Variants in SORCS2 observed in about 807,000 individuals in gnomAD.
SORCS2 encodes VPS10 domain-containing receptor SorCS2.
In SORCS2, 100 loss-of-function variants were observed where a neutral mutation model predicts 141.6. That is an observed-to-expected ratio of 0.71 (90% CI 0.60 to 0.83). SORCS2 has a LOEUF of 0.83. SORCS2 is among the 40% of genes least tolerant of loss of function. The pLI, the probability that SORCS2 is intolerant of heterozygous loss-of-function variation, is 0.00. For missense variants in SORCS2, 1,646 were observed against 1,560.2 expected (o/e 1.05, Z -0.93); for synonymous variants, 789 against 676.9 (o/e 1.17, Z -2.57).
chr4:7,680,106 T>G (rs1723424271), intron 9 of SORCS2, among the ~76,000 whole-genome samples: 1 of 152,204 alleles, frequency 6.6e-6, no homozygotes. Flanking sequence ...TATGAGCTTG[T>G]AAGACACAAA....
At chr4:7,658,534 A>G (rs1364278907) in intron 5 of SORCS2, among the ~76,000 whole-genome samples, 2 of 152,184 alleles carry the variant, frequency 1.3e-5, no homozygotes, top group Non-Finnish European at 2.9e-5. Context: ...TCTATTCACA[A>G]AAGCCGAAAT....
At chr4:7,492,710 AC>A (rs1731389895) in intron 2 of SORCS2, among the ~76,000 whole-genome samples, 1 of 152,240 alleles carries the variant, frequency 6.6e-6, no homozygotes, top group Non-Finnish European at 1.5e-5. Context: ...TGACAAGCAT[AC>A]CTGAAGGAAA....
chr4:7,697,608 C>T (rs1454631858), intron 12 of SORCS2, among the ~76,000 whole-genome samples: 2 of 152,222 alleles, frequency 1.3e-5, no homozygotes, highest in Non-Finnish European at 2.9e-5. Context: ...TGCCAGGGAA[C>T]AGCACAGGGA....
chr4:7,395,474 T>A (rs1724150710), intron 1 of SORCS2, among the ~76,000 whole-genome samples: 1 of 152,216 alleles, frequency 6.6e-6, no homozygotes, highest in African/African-American at 2.4e-5. Flanking sequence ...ACGCAGTGGC[T>A]GGTGCAGTAA....
At chr4:7,365,730 A>G (rs536836171) in intron 1 of SORCS2, among the ~76,000 whole-genome samples, 1 of 152,236 alleles carries the variant, frequency 6.6e-6, no homozygotes, top group South Asian at 2.1e-4. Context: ...GCACACCTGC[A>G]ATTTATGGTC....
chr4:7,360,271 TAAAG>T (rs940736051), intron 1 of SORCS2, among the ~76,000 whole-genome samples: 9 of 152,162 alleles, frequency 5.9e-5, no homozygotes, highest in African/African-American at 1.9e-4. Flanking sequence ...ATTTTGCAGA[TAAAG>T]AAACTGAGAC....
chr4:7,261,164 T>G (rs1191935711), intron 1 of SORCS2, among the ~76,000 whole-genome samples: 5 of 152,180 alleles, frequency 3.3e-5, no homozygotes, highest in Admixed American at 6.5e-5. Flanking sequence ...CCTTATGACC[T>G]TGTATAATTG....
chr4:7,548,782 C>A (rs1431341796), intron 3 of SORCS2, among the ~76,000 whole-genome samples: 1 of 152,162 alleles, frequency 6.6e-6, no homozygotes, highest in East Asian at 1.9e-4. Flanking sequence ...CCATCAGATG[C>A]CTTTCAGCTG....
chr4:7,686,188 G>T (rs1008830240), intron 10 of SORCS2, among the ~76,000 whole-genome samples: 5 of 152,192 alleles, frequency 3.3e-5, no homozygotes, highest in Admixed American at 6.5e-5. Context: ...GCTTTAACAG[G>T]AGTGGTGTGA....
chr4:7,539,464 T>C (rs983268061), intron 3 of SORCS2, among the ~76,000 whole-genome samples: 2 of 152,188 alleles, frequency 1.3e-5, no homozygotes, highest in African/African-American at 4.8e-5. Context: ...AGAAGTCCAG[T>C]ACTTTGTTCT....
rs144046004 is a variant in SORCS2 at position 7,655,202 on chromosome 4, T to TACACAC, written c.887+1015_887+1020dup. 4.6e-3 allele frequency among the ~76,000 whole-genome samples: 684 copies of TACACAC among 148,980 alleles called. 7 individuals carry two copies. Among genetic ancestry groups the TACACAC allele is most frequent in the African/African-American group, 0.016 (641 of 40,536 alleles). ...ATGGCATTCCTCTTTCTTGTGCGTG[T>TACACAC]ACACACACACACACACACACACACA... On this transcript the variant is annotated intron_variant, in intron 5 of 26. Coordinates refer to ENST00000507866, the MANE Select transcript of SORCS2 (RefSeq NM_020777.3).
At chr4:7,474,776 G>A (rs1286671492) in intron 2 of SORCS2, among the ~76,000 whole-genome samples, 1 of 152,204 alleles carries the variant, frequency 6.6e-6, no homozygotes, top group Non-Finnish European at 1.5e-5. Flanking sequence ...CTGCCAGCTG[G>A]GAGCTTAAAG....
At chr4:7,698,517 A>G (rs6816580) in intron 12 of SORCS2, among the ~76,000 whole-genome samples, 80,086 of 152,230 alleles carry the variant, frequency 0.53, 21,931 homozygotes, top group East Asian at 0.75. Flanking sequence ...TAAAGGTCAC[A>G]TCTGTCCATT....
chr4:7,624,681 C>T (rs969160277), intron 3 of SORCS2, among the ~76,000 whole-genome samples: 2 of 152,230 alleles, frequency 1.3e-5, no homozygotes, highest in Admixed American at 6.5e-5. Context: ...ATTGTTCACA[C>T]GTCCAACCGT....
At chr4:7,633,330 G>T (rs992164996) in intron 3 of SORCS2, among the ~76,000 whole-genome samples, 1 of 152,142 alleles carries the variant, frequency 6.6e-6, no homozygotes, top group African/African-American at 2.4e-5. Flanking sequence ...GGCGGAGCAG[G>T]GACCCCCACC....
chr4:7,596,019 G>A lies in SORCS2; in HGVS notation c.649-42309G>A, dbSNP rs555949885. On this transcript the variant is annotated intron_variant, in intron 3 of 26. Coordinates refer to ENST00000507866, the MANE Select transcript of SORCS2 (RefSeq NM_020777.3). ...CCACGGCAACCCGCGGTTTCTCATT[G>A]AGACTGCATCCTCACAAACCATGGT... Among the ~76,000 whole-genome samples, 498 of 152,246 alleles carry A rather than the reference G, an allele frequency of 3.3e-3. 3 individuals carry two copies. The highest frequency in any genetic ancestry group is 0.012 in the African/African-American group (479 of 41,554).
chr4:7,725,451 G>A (rs1339024615), intron 20 of SORCS2, among the ~76,000 whole-genome samples, 164 bp downstream of exon 20: 3 of 152,302 alleles, frequency 2.0e-5, no homozygotes, highest in East Asian at 1.9e-4. Context: ...CACACCCTCC[G>A]TGGGTGCCTT....
intron 2 of SORCS2, among the ~76,000 whole-genome samples, chr4:7,487,726 G>A (rs548192510): frequency 5.3e-5 from 8 of 152,174 alleles, no homozygotes; most frequent in South Asian, 4.1e-4. Context: ...TGGCTCCCCC[G>A]CCTCCAGCCC....
chr4:7,548,224 TC>T (rs1236391962), intron 3 of SORCS2, among the ~76,000 whole-genome samples: 1 of 152,158 alleles, frequency 6.6e-6, no homozygotes, highest in African/African-American at 2.4e-5. Context: ...AGAGGAATGC[TC>T]CCGCGACCAT....
Sources: gnomAD v4.1 joint callset for allele counts (sites outside exome capture counted in the v4.1 genomes callset) on GRCh38, gnomAD v4.1.1 for gene constraint, MANE v1.5 for transcripts, NCBI Gene and HGNC (gene_info 2026-07-23, HGNC 2026-07-21) for gene names.